SLC39A11: variants seen among roughly 807,000 people sequenced by gnomAD.
SLC39A11 encodes the protein solute carrier family 39 member 11.
Under a neutral mutation model 36.1 loss-of-function variants are expected in SLC39A11, and 33 were observed. The ratio of observed to expected loss-of-function variants is 0.91; its 90% CI spans 0.69 to 1.22. SLC39A11 has a LOEUF of 1.22. Ranked by LOEUF, SLC39A11 falls within the 50% of genes most tolerant of loss-of-function variation. The probability of loss-of-function intolerance (pLI) is 0.00; values close to 1 mark genes in which losing one functional copy is unlikely to be tolerated. For synonymous variants in SLC39A11, 166 were observed against 170.3 expected (o/e 0.97, Z 0.20); for missense variants, 432 against 430.3 (o/e 1.00, Z -0.03).
chr17:72,941,556 G>GTTTTTTT (rs11350044), intron 5 of SLC39A11, among the ~76,000 whole-genome samples: 12 of 146,696 alleles, frequency 8.2e-5, no homozygotes, highest in African/African-American at 2.8e-4. Context: ...TCAGGACTGT[G>GTTTTTTT]TTTTTTTTTT....
At chr17:72,717,199 G>A (rs1016105204) in intron 7 of SLC39A11, among the ~76,000 whole-genome samples, 5 of 150,558 alleles carry the variant, frequency 3.3e-5, no homozygotes, top group African/African-American at 1.2e-4. Context: ...TTTAAAAAGA[G>A]GAAAAAAAAG....
At chr17:72,666,447 C>A (rs1349960177) in intron 7 of SLC39A11, among the ~76,000 whole-genome samples, 1 of 152,224 alleles carries the variant, frequency 6.6e-6, no homozygotes, top group Non-Finnish European at 1.5e-5. Context: ...CTTCTGGGCA[C>A]AATCTTAGGA....
At chr17:72,924,046 C>A (rs891345058) in intron 5 of SLC39A11, among the ~76,000 whole-genome samples, 4 of 150,240 alleles carry the variant, frequency 2.7e-5, no homozygotes, top group African/African-American at 9.9e-5. Context: ...ACTAGGGAAG[C>A]TGAGGTGGGA....
chr17:73,025,947 G>A (rs566048258), intron 4 of SLC39A11, among the ~76,000 whole-genome samples: 13 of 151,352 alleles, frequency 8.6e-5, no homozygotes, highest in East Asian at 3.9e-4. Flanking sequence ...CTGAAACTCC[G>A]TCTCCACTAA....
At chr17:72,871,540 T>C (rs1441326150) in intron 5 of SLC39A11, among the ~76,000 whole-genome samples, 1 of 152,076 alleles carries the variant, frequency 6.6e-6, no homozygotes, top group East Asian at 1.9e-4. Flanking sequence ...CAGGTTGAGT[T>C]GATCACCATT....
intron 6 of SLC39A11, among the ~76,000 whole-genome samples, chr17:72,825,275 C>T (rs969899972): frequency 6.6e-6 from 1 of 152,202 alleles, no homozygotes; most frequent in Non-Finnish European, 1.5e-5. Flanking sequence ...GCCACTGTTC[C>T]AGAGGGTGCA....
intron 3 of SLC39A11, among the ~76,000 whole-genome samples, chr17:73,079,214 C>T (rs1429320840): frequency 6.6e-6 from 1 of 152,116 alleles, no homozygotes; most frequent in African/African-American, 2.4e-5. Context: ...TCTCCTGCCT[C>T]GGCTTCCCAA....
chr17:72,942,897 T>A (rs1010365584), intron 5 of SLC39A11, among the ~76,000 whole-genome samples: 2 of 152,224 alleles, frequency 1.3e-5, no homozygotes, highest in Non-Finnish European at 2.9e-5. Flanking sequence ...CCTATTGGGT[T>A]CATTGTTGAA....
At chr17:73,010,525 G>A (rs953398682) in intron 4 of SLC39A11, among the ~76,000 whole-genome samples, 5 of 152,116 alleles carry the variant, frequency 3.3e-5, no homozygotes, top group African/African-American at 1.2e-4. Flanking sequence ...TACCTAGGCC[G>A]TACCATGGAC....
At chr17:72,921,123 C>A (rs753850417) in intron 5 of SLC39A11, among the ~76,000 whole-genome samples, 1 of 152,118 alleles carries the variant, frequency 6.6e-6, no homozygotes, top group Non-Finnish European at 1.5e-5. Context: ...TGCCAGGAAA[C>A]ACTTAAGAAT....
At chr17:72,830,334 T>C (rs918191928) in intron 6 of SLC39A11, among the ~76,000 whole-genome samples, 1 of 151,668 alleles carries the variant, frequency 6.6e-6, no homozygotes, top group African/African-American at 2.4e-5. Context: ...TGTGTATTTT[T>C]TTTTTTCCTA....
At chr17:72,855,076 G>C (rs1319876987) in intron 5 of SLC39A11, among the ~76,000 whole-genome samples, 1 of 152,226 alleles carries the variant, frequency 6.6e-6, no homozygotes, top group Non-Finnish European at 1.5e-5. Flanking sequence ...AAGTCCTCTA[G>C]TGAATGGCCC....
intron 5 of SLC39A11, among the ~76,000 whole-genome samples, chr17:72,868,864 G>T (rs1019593517): frequency 6.6e-6 from 1 of 152,004 alleles, no homozygotes; most frequent in Non-Finnish European, 1.5e-5. Context: ...ATGTAGAAAT[G>T]TTCGCTTTAG....
At chr17:73,020,659 G>T (rs2058309984) in intron 4 of SLC39A11, among the ~76,000 whole-genome samples, 1 of 149,878 alleles carries the variant, frequency 6.7e-6, no homozygotes, top group African/African-American at 2.5e-5. Flanking sequence ...TTGGGTTTTT[G>T]GGGGGTCTTT....
At chr17:72,903,926 GAA>G (rs539072505) in intron 5 of SLC39A11, among the ~76,000 whole-genome samples, 2 of 151,956 alleles carry the variant, frequency 1.3e-5, no homozygotes, top group African/African-American at 4.8e-5. Context: ...TCCTGGGCAG[GAA>G]AAAAAGTCTG....
At chr17:73,065,835 C>T (rs1183279572) in intron 3 of SLC39A11, among the ~76,000 whole-genome samples, 1 of 152,202 alleles carries the variant, frequency 6.6e-6, no homozygotes, top group African/African-American at 2.4e-5. Flanking sequence ...TGAATAGACA[C>T]TTAGAAAGCC....
At chr17:72,873,058 A>G (rs946531278) in intron 5 of SLC39A11, among the ~76,000 whole-genome samples, 2 of 150,894 alleles carry the variant, frequency 1.3e-5, no homozygotes, top group Non-Finnish European at 2.9e-5. Context: ...CCATCTCAAA[A>G]AAAAAAAAAA....
intron 7 of SLC39A11, among the ~76,000 whole-genome samples, chr17:72,727,835 G>T (rs1025901786): frequency 6.6e-5 from 10 of 152,078 alleles, no homozygotes; most frequent in African/African-American, 2.4e-4. Context: ...AGGGCTCCAG[G>T]AAGGTGAGGA....
chr17:72,977,216 G>A (rs116966687), intron 4 of SLC39A11, among the ~76,000 whole-genome samples: 547 of 152,270 alleles, frequency 3.6e-3, no homozygotes, highest in Non-Finnish European at 5.7e-3. Flanking sequence ...GAAGGAATGT[G>A]GACGGCCCCA....
Sources: allele counts gnomAD v4.1 joint callset (sites outside exome capture counted in the v4.1 genomes callset), GRCh38; gene constraint gnomAD v4.1.1; transcripts MANE v1.5; gene names NCBI Gene and HGNC (gene_info 2026-07-23, HGNC 2026-07-21).